The following DCAF6 variants were observed in gnomAD, a reference collection of about 807,000 sequenced individuals.
DCAF6 encodes the protein DDB1 and CUL4 associated factor 6, also known as DDB1- and CUL4-associated factor 6.
Under a neutral mutation model 125.1 loss-of-function variants are expected in DCAF6, and 54 were observed. The observed-to-expected ratio is 0.43, with a 90% CI of 0.35 to 0.54. The LOEUF is 0.54. Among genes scored for constraint, DCAF6 ranks in the 20% least tolerant of loss-of-function variants. The pLI is 0.01. For missense variants in DCAF6, 934 were observed against 1,161.7 expected, an observed-to-expected ratio of 0.80 and a Z score of 2.85; for synonymous variants, 371 against 390.4, an observed-to-expected ratio of 0.95 and a Z score of 0.58.
the DCAF6 span, chr1:167,918,098 C>T: frequency 4.6e-6 from 2 of 432,714 alleles, no homozygotes; most frequent in African/African-American, 2.0e-5. Flanking sequence ...TTATTACGGA[C>T]AAATGGTAGA....
intron 3 of DCAF6, chr1:167,968,553 C>T (rs1302180671): frequency 6.6e-6 from 1 of 152,332 alleles, no homozygotes; most frequent in Non-Finnish European, 1.5e-5. Context: ...TACAAAATGT[C>T]TAGGGACGTG....
chr1:167,936,715 G>C lies in DCAF6; in HGVS notation c.-197G>C, dbSNP rs1671276398. The C allele has an allele frequency of 3.4e-6, 2 of 586,496 alleles. No individual in the cohort carries two copies. Among genetic ancestry groups the C allele is most frequent in the Non-Finnish European group, 6.1e-6 (2 of 328,698 alleles). The allele number at this position is 586,496 out of a possible 1,614,324, so 36.3% of individuals were successfully genotyped here. ...CTGGTTAGTCTAAGAAGGAGAGTAT[G>C]AGGCGAGCTCCGGCCCGGGTGCGGC... On this transcript the variant is annotated 5_prime_UTR_variant, in exon 1 of 22. An upstream start codon of the reference 5' UTR is lost. Transcript: ENST00000367840.
the DCAF6 span, among the ~76,000 whole-genome samples, chr1:167,916,137 T>C: frequency 1.3e-5 from 2 of 152,234 alleles, no homozygotes; most frequent in African/African-American, 4.8e-5. Context: ...TACTAAGTCT[T>C]TGAGAATAGT....
rs949436354 is a variant in DCAF6, at chr1:168,050,926, A to C, written c.2293A>C (p.Ile765Leu). 7.2e-7 allele frequency: 1 copy of C among 1,391,346 alleles called. No individual in the cohort carries two copies. The highest frequency in any genetic ancestry group is 1.7e-5 in the South Asian group (1 of 59,522). 86.2% of individuals were successfully genotyped at this position (1,391,346 alleles called of 1,614,324 possible). Residue 765 changes from isoleucine to leucine, a missense_variant, in exon 17 of 22, where the codon ATA becomes CTA. Physicochemically the swap from Ile to Leu is conservative, Grantham distance 5. Coordinates refer to ENST00000367840, the MANE Select transcript of DCAF6 (RefSeq NM_001198956.2). ...CAGAGGAACAACAATAGGTGATAGA[A>C]TAATGAGGTAATTCAGTATGTTCCT... ...NIRGTTIGDRIMRRSAVARIQ... is the reference protein window; with the variant it reads ...NIRGTTIGDRLMRRSAVARIQ...
rs182728411 is a variant in DCAF6 at position 168,050,027 on chromosome 1, A to G, written c.2259-865A>G. Among the ~76,000 whole-genome samples, 3 of 146,880 alleles carry G rather than the reference A, an allele frequency of 2.0e-5. No homozygotes were observed. In the East Asian group the frequency reaches 6.0e-4, roughly 29 times the overall value. ...TTTGACGGCCTGATTGGTAGCTCTT[A>G]CTGTTTCTAAACTCAAGAGAAAACC... is the stretch of plus-strand genomic sequence containing the variant. On this transcript the variant is annotated intron_variant, in intron 16 of 21. Transcript: ENST00000367840.
the DCAF6 span, among the ~76,000 whole-genome samples, chr1:167,930,562 G>A: frequency 5.9e-5 from 9 of 152,136 alleles, no homozygotes; most frequent in East Asian, 1.9e-4. Context: ...AGTCCTAAGA[G>A]AATACCAAAT....
At chr1:167,942,404 C>CT (rs58678963) in intron 1 of DCAF6, among the ~76,000 whole-genome samples, 15,739 of 152,140 alleles carry the variant, frequency 0.1, 908 homozygotes, top group African/African-American at 0.14. Flanking sequence ...TGTTGAGTAT[C>CT]TTTTGTGGCT....
In DCAF6 at chr1:168,049,431, G is replaced by GTTGT. The variant is rs749459860; in HGVS notation, c.2259-1459_2259-1458insGTTT. On this transcript the variant is annotated intron_variant, in intron 16 of 21. Coordinates refer to ENST00000367840, the MANE Select transcript of DCAF6 (RefSeq NM_001198956.2). ...CTAATTTGTTGTTGTTGTTGTTGTT[G>GTTGT]TTTTTTTTTTTTTTTTTTTTTAGAA... Among the ~76,000 whole-genome samples the GTTGT allele has an allele frequency of 7.0e-3, 707 of 101,230 alleles. 8 individuals carry two copies. Among genetic ancestry groups the GTTGT allele is most frequent in the African/African-American group, 0.025 (616 of 24,288 alleles). 66.4% of individuals were successfully genotyped at this position (101,230 alleles called of 152,430 possible).
intron 4 of DCAF6, among the ~76,000 whole-genome samples, chr1:167,977,975 T>C (rs1380343707): frequency 6.6e-6 from 1 of 152,200 alleles, no homozygotes; most frequent in Non-Finnish European, 1.5e-5. Flanking sequence ...TTGAACGTTA[T>C]ATAAATGGAA....
At chr1:167,947,631 TCATTCAGGAG>T (rs1285241884) in intron 1 of DCAF6, among the ~76,000 whole-genome samples, 1 of 152,232 alleles carries the variant, frequency 6.6e-6, no homozygotes, top group Non-Finnish European at 1.5e-5. Context: ...GACCCTATTG[TCATTCAGGAG>T]CATGTTGTTT....
At chr1:167,936,651 G>T (rs564964940), upstream of DCAF6, 38 of 406,314 alleles carry the variant, frequency 9.4e-5, no homozygotes, top group Admixed American at 6.3e-4. Context: ...CTGTTGGAGG[G>T]GGGCTGAGGG....
chr1:168,046,633 G>GT (rs1162451549), intron 16 of DCAF6, among the ~76,000 whole-genome samples: 1 of 152,102 alleles, frequency 6.6e-6, no homozygotes, highest in African/African-American at 2.4e-5. Context: ...TTTTAGGCAA[G>GT]TAAGACTTAG....
intron 4 of DCAF6, among the ~76,000 whole-genome samples, chr1:167,983,270 C>T (rs1221398418): frequency 6.6e-6 from 1 of 152,094 alleles, no homozygotes; most frequent in Non-Finnish European, 1.5e-5. Flanking sequence ...GTCATTTTAA[C>T]GATATTGATT....
chr1:168,003,239 A>T (rs1682886901), intron 8 of DCAF6, among the ~76,000 whole-genome samples: 1 of 152,290 alleles, frequency 6.6e-6, no homozygotes, highest in Admixed American at 6.5e-5. Flanking sequence ...AAATTATAAG[A>T]CTATAGAATA....
At chr1:167,968,698 T>G (rs1676836760) in intron 3 of DCAF6, among the ~76,000 whole-genome samples, 1 of 152,238 alleles carries the variant, frequency 6.6e-6, no homozygotes, top group Non-Finnish European at 1.5e-5. Flanking sequence ...CTGGAAAACC[T>G]GTGCATGGTT....
At chr1:167,884,918 G>A in the DCAF6 span, among the ~76,000 whole-genome samples, 1 of 151,870 alleles carries the variant, frequency 6.6e-6, no homozygotes, top group African/African-American at 2.4e-5. Context: ...GACTGGTCTC[G>A]AACTCCTGAC....
the DCAF6 span, among the ~76,000 whole-genome samples, chr1:167,898,418 G>T: frequency 6.6e-6 from 1 of 151,860 alleles, no homozygotes. Context: ...GGCCAAGATG[G>T]TGAAACCCCG....
chr1:167,875,005 C>T, the DCAF6 span: 1 of 868,422 alleles, frequency 1.2e-6, no homozygotes, highest in East Asian at 2.6e-5. Flanking sequence ...TATTTCTTAA[C>T]CTGGATGATG....
chr1:168,023,025 C>T lies in DCAF6; in HGVS notation c.1587C>T (p.Ser529=). ...PSSVVNKQLG[S]MSLDEQQDNN... ...CTGTGGTTAACAAACAGCTCGGATCCATGTCACTTGACGAGCAACAGGGTG... is the reference window on the plus strand; with the variant it reads ...CTGTGGTTAACAAACAGCTCGGATCTATGTCACTTGACGAGCAACAGGGTG... The change falls in exon 12 of 22, where the codon TCC becomes TCT. Residue 529 remains serine (S), a synonymous_variant. Transcript: ENST00000367840. 1 of 1,614,170 alleles carries T rather than the reference C, an allele frequency of 6.2e-7. No homozygotes were observed. The highest frequency in any genetic ancestry group is 8.5e-7 in the Non-Finnish European group (1 of 1,180,026).
Sources: allele counts gnomAD v4.1 joint callset (sites outside exome capture counted in the v4.1 genomes callset), GRCh38; gene constraint gnomAD v4.1.1; transcripts MANE v1.5; gene names NCBI Gene and HGNC (gene_info 2026-07-23, HGNC 2026-07-21).